Variants in PDE6A observed in about 807,000 individuals in gnomAD.
PDE6A encodes rod cGMP-specific 3',5'-cyclic phosphodiesterase subunit alpha.
PDE6A carries 84 observed loss-of-function variants against 106.3 expected under a neutral mutation model. The observed-to-expected ratio is 0.79, with a 90% confidence interval of 0.66 to 0.95. The LOEUF (loss-of-function observed/expected upper bound fraction) is 0.95. Among genes scored for constraint, PDE6A ranks in the 40% least tolerant of loss-of-function variants. PDE6A has a pLI of 0.00. For synonymous variants in PDE6A, 394 were observed against 386.6 expected (o/e 1.02, Z -0.23); for missense variants, 1,052 against 1,084.9 (o/e 0.97, Z 0.43).
chr5:149,930,880 C>G, intron 4 of PDE6A, 148 bp downstream of exon 4: 1 of 769,550 alleles, frequency 1.3e-6, no homozygotes, highest in Non-Finnish European at 2.3e-6. Flanking sequence ...TGATACTCCT[C>G]AGTAGAGACC....
intron 4 of PDE6A, among the ~76,000 whole-genome samples, chr5:149,928,209 C>CTATATATATATA (rs1213238607): frequency 2.7e-3 from 121 of 44,476 alleles, no homozygotes; most frequent in East Asian, 8.3e-3. Context: ...ATTGTATGTG[C>CTATATATATATA]TATATATATA....
At chr5:149,877,515 T>C (rs945026538) in intron 17 of PDE6A, among the ~76,000 whole-genome samples, 1 of 152,186 alleles carries the variant, frequency 6.6e-6, no homozygotes, top group African/African-American at 2.4e-5. Flanking sequence ...GTTCAAGCAA[T>C]TCTCCTGCCT....
chr5:149,883,959 G>A lies in PDE6A; in HGVS notation c.2028-423C>T, dbSNP rs553544367. Among the ~76,000 whole-genome samples the A allele has an allele frequency of 3.9e-5, 6 of 152,254 alleles. No homozygotes were observed. The East Asian group carries it at 1.2e-3, about 29-fold the overall frequency. On this transcript the variant is annotated intron_variant, in intron 16 of 21. Transcript: ENST00000255266. ...TGTAATCCCAATACTTTGGGAGGCT[G>A]AGGCAGAAGGATGGCTTGAGACCAG...
At chr5:149,936,011 A>G (rs1191622891) in intron 1 of PDE6A, among the ~76,000 whole-genome samples, 1 of 152,098 alleles carries the variant, frequency 6.6e-6, no homozygotes, top group Non-Finnish European at 1.5e-5. Context: ...AAAATTAGCC[A>G]GGTGTGGTGA....
chr5:149,916,636 T>G (rs1378241263), intron 5 of PDE6A, among the ~76,000 whole-genome samples: 1 of 152,240 alleles, frequency 6.6e-6, no homozygotes, highest in Admixed American at 6.5e-5. Flanking sequence ...TGTTGGCATG[T>G]GACTCCATTC....
At position 149,931,453 on chromosome 5, in the gene PDE6A, C is replaced by T. The variant is rs971087169; in HGVS notation, c.718-285G>A. Among the ~76,000 whole-genome samples, 5 of 151,880 alleles carry T rather than the reference C, an allele frequency of 3.3e-5. 1 individual carries two copies. The highest frequency in any genetic ancestry group is 9.7e-5 in the African/African-American group (4 of 41,328). ...TGTTCACACATGAACTGAGTAAAAA[C>T]GTACTTTATAGAAAACCAAGTACAA... On this transcript the variant is annotated intron_variant, in intron 3 of 21. Coordinates refer to ENST00000255266, the MANE Select transcript of PDE6A (RefSeq NM_000440.3).
At chr5:149,943,895 A>G (rs77409096) in intron 1 of PDE6A, among the ~76,000 whole-genome samples, 2,774 of 152,316 alleles carry the variant, frequency 0.018, 32 homozygotes, top group Non-Finnish European at 0.025. Flanking sequence ...AAAGGGCATG[A>G]TGTCTGCAAC....
At chr5:149,927,662 C>T (rs1753900573) in intron 4 of PDE6A, among the ~76,000 whole-genome samples, 1 of 151,896 alleles carries the variant, frequency 6.6e-6, no homozygotes, top group South Asian at 2.1e-4. Flanking sequence ...TGTAATAACA[C>T]TTAGCTTAAT....
At chr5:149,906,858 G>A (rs1036480230) in intron 7 of PDE6A, among the ~76,000 whole-genome samples, 5 of 151,866 alleles carry the variant, frequency 3.3e-5, no homozygotes, top group African/African-American at 1.2e-4. Context: ...TGCAACCTCC[G>A]CCTCCCAGGT....
intron 2 of PDE6A, 55 bp from the exon 3 acceptor site, chr5:149,934,074 G>A: frequency 3.0e-6 from 3 of 984,712 alleles, no homozygotes; most frequent in Non-Finnish European, 3.2e-6. Flanking sequence ...TCCATCCTCT[G>A]GCTACTTTTA....
At position 149,886,285 on chromosome 5, in the gene PDE6A, G is replaced by C. The variant is rs1331094602; in HGVS notation, c.1818C>G (p.Thr606=). The stretch of plus-strand genomic sequence containing the variant: ...CTCACTTCATCTGGTAGAGGTTATT[G>C]GTGCCTCTGTGGTCAATGTCATGGC... ...AFCHDIDHRG[T]NNLYQMKSQN... Residue 606 remains threonine, a synonymous_variant, in exon 14 of 22, where the codon ACC becomes ACG. Transcript: ENST00000255266. 1 of 1,613,050 alleles carries C rather than the reference G, an allele frequency of 6.2e-7. No individual in the cohort carries two copies. The highest frequency in any genetic ancestry group is 2.2e-5 in the East Asian group (1 of 44,888).
Position 149,868,233 on chromosome 5 carries a change from A to G in PDE6A, c.2136-75T>C, listed in dbSNP as rs1404266074. 2.9e-6 allele frequency: 4 copies of G among 1,364,968 alleles called. No individual in the cohort carries two copies. In the East Asian group the frequency reaches 9.2e-5, roughly 31 times the overall value. 84.6% of individuals were successfully genotyped at this position (1,364,968 alleles called of 1,614,324 possible). ...TGTACTGGTTAATTCCATCTCTCTCACCTTTCTCCACCCCCACTAGTAGGT... is the reference window on the plus strand; with the variant it reads ...TGTACTGGTTAATTCCATCTCTCTCGCCTTTCTCCACCCCCACTAGTAGGT... On this transcript the variant is annotated intron_variant, in intron 17 of 21. Transcript: ENST00000255266.
intron 1 of PDE6A, among the ~76,000 whole-genome samples, chr5:149,934,943 G>T (rs1323360760): frequency 6.6e-6 from 1 of 152,184 alleles, no homozygotes; most frequent in Non-Finnish European, 1.5e-5. Flanking sequence ...GGTGTGCAAA[G>T]CAGTGTGGGT....
At chr5:149,916,709 A>G (rs1177470032) in intron 5 of PDE6A, among the ~76,000 whole-genome samples, 3 of 152,182 alleles carry the variant, frequency 2.0e-5, no homozygotes, top group East Asian at 1.9e-4. Context: ...CCCAAGCGTG[A>G]TGAGCAACTA....
intron 8 of PDE6A, 25 bp downstream of exon 8, chr5:149,903,623 A>C (rs1174873015): frequency 6.3e-7 from 1 of 1,592,930 alleles, no homozygotes; most frequent in Non-Finnish European, 8.6e-7. Context: ...CATATGACTA[A>C]GACTGCAAAT....
chr5:149,932,673 C>T, intron 3 of PDE6A: 1 of 1,612,342 alleles, frequency 6.2e-7, no homozygotes, highest in Non-Finnish European at 8.5e-7. Flanking sequence ...GCCATCTCAG[C>T]AGCAGTGGGA....
intron 6 of PDE6A, among the ~76,000 whole-genome samples, chr5:149,911,272 C>T (rs1373510441): frequency 1.3e-5 from 2 of 152,158 alleles, no homozygotes; most frequent in Admixed American, 6.5e-5. Flanking sequence ...TTGATGTTTA[C>T]TTCTCAGTCA....
intron 20 of PDE6A, among the ~76,000 whole-genome samples, chr5:149,865,342 C>A (rs1237827072): frequency 6.7e-6 from 1 of 148,688 alleles, no homozygotes; most frequent in Non-Finnish European, 1.5e-5. Flanking sequence ...CCTGGGAGGT[C>A]AAGGCTGCTG....
chr5:149,889,822 G>A (rs368399918), intron 13 of PDE6A, among the ~76,000 whole-genome samples: 5 of 150,556 alleles, frequency 3.3e-5, no homozygotes, highest in African/African-American at 4.9e-5. Context: ...CAGGAGAATC[G>A]CTTGAACCCA....
Sources: allele counts gnomAD v4.1 joint callset (sites outside exome capture counted in the v4.1 genomes callset), GRCh38; gene constraint gnomAD v4.1.1; transcripts MANE v1.5; gene names NCBI Gene and HGNC (gene_info 2026-07-23, HGNC 2026-07-21).